Variants in CSGALNACT1 observed in about 807,000 individuals in gnomAD.
CSGALNACT1 encodes the protein chondroitin sulfate N-acetylgalactosaminyltransferase 1.
In CSGALNACT1, 52 loss-of-function variants were observed where a neutral mutation model predicts 51.0. The ratio of observed to expected loss-of-function variants is 1.02; its 90% CI spans 0.82 to 1.29. The LOEUF is 1.29. Ranked by LOEUF, CSGALNACT1 falls within the 50% of genes most tolerant of loss-of-function variation. The pLI is 0.00. For missense variants in CSGALNACT1, 935 were observed against 679.2 expected (o/e 1.38, Z -4.19); for synonymous variants, 341 against 254.4 (o/e 1.34, Z -3.24).
rs1331131946 is a variant in CSGALNACT1, at chr8:19,524,535, C to A, written c.-296-18405G>T. ...AAATACAATGAGCCTTGTCATAGTC[C>A]TAATTTTTTTAATATTAGTTCCTTC... is the stretch of plus-strand genomic sequence containing the variant. On this transcript the variant is annotated intron_variant, in intron 3 of 9. Coordinates refer to ENST00000454498, the Ensembl canonical transcript of CSGALNACT1. Among the ~76,000 whole-genome samples, 2 of 151,870 alleles carry A rather than the reference C, an allele frequency of 1.3e-5. 1 individual carries two copies. The highest frequency in any genetic ancestry group is 2.9e-5 in the Non-Finnish European group (2 of 67,996).
rs1397495404 is a variant in CSGALNACT1 at position 19,608,135 on chromosome 8, G to T, written c.-543-6270C>A. Among the ~76,000 whole-genome samples, 5 of 152,164 alleles carry T rather than the reference G, an allele frequency of 3.3e-5. No individual in the cohort carries two copies. In the South Asian group the frequency reaches 6.2e-4, roughly 19 times the overall value. The stretch of plus-strand genomic sequence containing the variant: ...TTGTGGCCTTTCCATCGCATAGCTG[G>T]CTGAGTTAGGCAGGCACAACCCTTC... On this transcript the variant is annotated intron_variant, in intron 1 of 9. Transcript: ENST00000332246.
At chr8:19,544,409 A>G (rs2085995292) in intron 3 of CSGALNACT1, among the ~76,000 whole-genome samples, 1 of 152,234 alleles carries the variant, frequency 6.6e-6, no homozygotes, top group Non-Finnish European at 1.5e-5. Flanking sequence ...TGAACATACT[A>G]AACATGAAAC....
intron 1 of CSGALNACT1, among the ~76,000 whole-genome samples, chr8:19,629,377 A>G (rs2054899408): frequency 6.6e-6 from 1 of 152,210 alleles, no homozygotes; most frequent in African/African-American, 2.4e-5. Context: ...CAGGACCCAT[A>G]TAAGACATTT....
chr8:19,614,574 G>A (rs2052733699), intron 1 of CSGALNACT1, among the ~76,000 whole-genome samples: 1 of 152,154 alleles, frequency 6.6e-6, no homozygotes. Flanking sequence ...CATGGATCAA[G>A]ATAAAAAATT....
intron 4 of CSGALNACT1, among the ~76,000 whole-genome samples, chr8:19,487,931 A>G (rs2073379556): frequency 6.6e-6 from 1 of 152,198 alleles, no homozygotes; most frequent in Non-Finnish European, 1.5e-5. Context: ...TGATATTGAT[A>G]TTAACCCTAG....
rs1380942348 is a variant in CSGALNACT1 at position 19,457,665 on chromosome 8, A to G, written c.851+761T>C. On this transcript the variant is annotated intron_variant, in intron 5 of 9. Transcript: ENST00000454498. ...GATCTTTCAAGATTTATAATTAGAC[A>G]GTAGGATTTTCTATGTTTAAAACAA... 3.1e-6 allele frequency: 4 copies of G among 1,293,004 alleles called. No individual in the cohort carries two copies. In the African/African-American group the frequency reaches 4.5e-5, roughly 15 times the overall value. The allele number at this position is 1,293,004 out of a possible 1,614,324, so 80.1% of individuals were successfully genotyped here. A position where few individuals can be genotyped will look rare whatever the true frequency, so the allele number is the denominator to read the frequency against.
chr8:19,615,843 C>A (rs2052923680), intron 1 of CSGALNACT1, among the ~76,000 whole-genome samples: 1 of 151,884 alleles, frequency 6.6e-6, no homozygotes, highest in Non-Finnish European at 1.5e-5. Context: ...ATCAAAAGAC[C>A]ATTTAACAGG....
At chr8:19,730,371 A>G (rs538202099) in intron 1 of CSGALNACT1, among the ~76,000 whole-genome samples, 48 of 152,326 alleles carry the variant, frequency 3.2e-4, no homozygotes, top group African/African-American at 1.1e-3. Context: ...TGCACACTGC[A>G]GGACTCCTAG....
At chr8:19,556,384 GAAA>G (rs35965072) in intron 3 of CSGALNACT1, among the ~76,000 whole-genome samples, 69 of 119,764 alleles carry the variant, frequency 5.8e-4, no homozygotes, top group Admixed American at 2.4e-3. Context: ...TCTCTCAAAA[GAAA>G]AAAAAAAAAA....
At chr8:19,450,589 A>T (rs2063002524) in intron 5 of CSGALNACT1, among the ~76,000 whole-genome samples, 2 of 152,076 alleles carry the variant, frequency 1.3e-5, no homozygotes. Context: ...CAGGCATTTG[A>T]TTTCCACAAA....
At chr8:19,646,777 C>T (rs1239590255) in intron 1 of CSGALNACT1, among the ~76,000 whole-genome samples, 1 of 152,032 alleles carries the variant, frequency 6.6e-6, no homozygotes, top group Admixed American at 6.5e-5. Flanking sequence ...AAGACCTAGC[C>T]GATAGTAAGA....
chr8:19,683,653 G>C (rs2060794039), upstream of CSGALNACT1, among the ~76,000 whole-genome samples: 1 of 151,936 alleles, frequency 6.6e-6, no homozygotes, highest in Non-Finnish European at 1.5e-5. Flanking sequence ...CCATATACCT[G>C]GAAAGTAATT....
chr8:19,517,332 C>T (rs1460826919), intron 3 of CSGALNACT1, among the ~76,000 whole-genome samples: 4 of 151,924 alleles, frequency 2.6e-5, no homozygotes, highest in Non-Finnish European at 2.9e-5. Flanking sequence ...CCCAGTTGCT[C>T]GGGAGGCTGA....
intron 5 of CSGALNACT1, chr8:19,457,434 GA>G: frequency 2.8e-6 from 1 of 359,108 alleles, no homozygotes; most frequent in South Asian, 2.1e-5. Context: ...CCAAAATGGC[GA>G]AACCCGGTCT....
At chr8:19,419,252 C>G (rs145835013) in intron 7 of CSGALNACT1, among the ~76,000 whole-genome samples, 1 of 152,148 alleles carries the variant, frequency 6.6e-6, no homozygotes, top group East Asian at 1.9e-4. Context: ...GATCTCCCAG[C>G]GCAGGAATGA....
intron 1 of CSGALNACT1, among the ~76,000 whole-genome samples, chr8:19,643,120 ATAGT>A (rs1396209859): frequency 9.5e-4 from 144 of 152,210 alleles, no homozygotes; most frequent in African/African-American, 3.4e-3. Context: ...TTACCTTTAT[ATAGT>A]AAGTTATATG....
rs34859554 is a variant in CSGALNACT1, at chr8:19,590,640, C to CTTTTT, written c.-297+515_-297+519dup. Among the ~76,000 whole-genome samples the CTTTTT allele has an allele frequency of 7.4e-3, 511 of 68,974 alleles. 72 individuals are homozygous for CTTTTT. The highest frequency in any genetic ancestry group is 0.027 in the African/African-American group (492 of 18,178). 45.2% of individuals were successfully genotyped at this position (68,974 alleles called of 152,430 possible). A position where few individuals can be genotyped will look rare whatever the true frequency, so the allele number is the denominator to read the frequency against. On this transcript the variant is annotated intron_variant, in intron 3 of 9. Coordinates refer to ENST00000454498, the Ensembl canonical transcript of CSGALNACT1. ...TACTCATAGCTGGTGGACCTAACTA[C>CTTTTT]TTTTTTTTTTTTTTTTTTTTTTTTT...
At chr8:19,618,276 A>T (rs1564271788) in intron 1 of CSGALNACT1, among the ~76,000 whole-genome samples, 1 of 152,166 alleles carries the variant, frequency 6.6e-6, no homozygotes, top group Non-Finnish European at 1.5e-5. Context: ...GGCAAAATAT[A>T]TACCCTGAAA....
intron 1 of CSGALNACT1, among the ~76,000 whole-genome samples, chr8:19,676,439 C>T (rs1589446133): frequency 6.6e-6 from 1 of 152,174 alleles, no homozygotes; most frequent in East Asian, 1.9e-4. Context: ...ATCCAAAATT[C>T]ACGGAATCGT....
Sources: gnomAD v4.1 joint callset for allele counts (sites outside exome capture counted in the v4.1 genomes callset) on GRCh38, gnomAD v4.1.1 for gene constraint, MANE v1.5 for transcripts, NCBI Gene and HGNC (gene_info 2026-07-23, HGNC 2026-07-21) for gene names.